The following FAM177A1 variants were observed in gnomAD, a reference collection of about 807,000 sequenced individuals.
The protein encoded by FAM177A1 is family with sequence similarity 177 member A1.
FAM177A1 carries 22 observed loss-of-function variants against 26.1 expected under a neutral mutation model. The observed-to-expected ratio is 0.84, with a 90% CI of 0.60 to 1.20. The LOEUF is 1.20. FAM177A1 is among the 50% of genes most tolerant of loss of function. The probability of loss-of-function intolerance (pLI) is 0.00; values close to 1 mark genes in which losing one functional copy is unlikely to be tolerated. For synonymous variants in FAM177A1, 95 were observed against 99.3 expected (o/e 0.96, Z 0.26); for missense variants, 296 against 291.1 (o/e 1.02, Z -0.12).
Position 35,046,442 on chromosome 14 carries a change from C to A in FAM177A1, c.-22C>A. ...CTTCCCGACAGCCTGGCTCGGCCAG[C>A]GACTGGGCGGGGAGACCAAGGATGG... On this transcript the variant is annotated 5_prime_UTR_variant, in exon 1 of 5. Coordinates refer to ENST00000280987, the MANE Select transcript of FAM177A1 (RefSeq NM_173607.5). 6.5e-7 allele frequency: 1 copy of A among 1,526,720 alleles called. No individual in the cohort carries two copies. Among genetic ancestry groups the A allele is most frequent in the Non-Finnish European group, 8.8e-7 (1 of 1,132,292 alleles). The allele number at this position is 1,526,720 out of a possible 1,614,324, so 94.6% of individuals were successfully genotyped here. A position where few individuals can be genotyped will look rare whatever the true frequency, so the allele number is the denominator to read the frequency against.
chr14:35,045,071 T>C (rs2044841157), upstream of FAM177A1: 1 of 152,212 alleles, frequency 6.6e-6, no homozygotes, highest in East Asian at 1.9e-4. Flanking sequence ...TGTTTATGAA[T>C]GCCAATTCAT....
At chr14:35,048,698 T>C (rs919778481) in intron 1 of FAM177A1, among the ~76,000 whole-genome samples, 3 of 152,016 alleles carry the variant, frequency 2.0e-5, no homozygotes, top group African/African-American at 7.2e-5. Flanking sequence ...TCCAGTTCTA[T>C]GCCCAGGGGG....
intron 1 of FAM177A1, 199 bp from the exon 2 acceptor site, chr14:35,053,076 ATGG>A: frequency 2.0e-6 from 1 of 493,596 alleles, no homozygotes; most frequent in Non-Finnish European, 3.5e-6. Flanking sequence ...TGGTTTACAA[ATGG>A]TGGGTTTTAT....
At position 35,057,026 on chromosome 14, in the gene FAM177A1, C is replaced by G. The variant is rs116970608; in HGVS notation, c.339+3575C>G. Reference sequence around the variant, plus strand: ...AACCACCTTTTGGTTTCATGATTTTCTTTGTTGTTTTTCTGTTCTCTATTA... The same window carrying G: ...AACCACCTTTTGGTTTCATGATTTTGTTTGTTGTTTTTCTGTTCTCTATTA... On this transcript the variant is annotated intron_variant, in intron 2 of 4. Coordinates refer to ENST00000280987, the MANE Select transcript of FAM177A1 (RefSeq NM_173607.5). 5.7e-3 allele frequency among the ~76,000 whole-genome samples: 860 copies of G among 152,128 alleles called. 24 individuals carry two copies. The highest frequency in any genetic ancestry group is 0.036 in the Admixed American group (550 of 15,266).
intron 1 of FAM177A1, among the ~76,000 whole-genome samples, chr14:35,051,276 C>G (rs994171910): frequency 6.6e-6 from 1 of 152,052 alleles, no homozygotes; most frequent in Non-Finnish European, 1.5e-5. Context: ...CGTGCCACCA[C>G]GCCCAGCTAA....
intron 3 of FAM177A1, among the ~76,000 whole-genome samples, chr14:35,077,729 G>C (rs183750885): frequency 0.015 from 2,291 of 151,950 alleles, 23 homozygotes; most frequent in Non-Finnish European, 0.023. Context: ...TGATCCACCC[G>C]CCTCGGCCTC....
chr14:35,058,774 G>A (rs1312337526), intron 2 of FAM177A1, among the ~76,000 whole-genome samples: 1 of 152,122 alleles, frequency 6.6e-6, no homozygotes, highest in Non-Finnish European at 1.5e-5. Flanking sequence ...TACTTGGAGA[G>A]GTGAGTTGGG....
At chr14:35,051,544 C>T (rs1319413829) in intron 1 of FAM177A1, among the ~76,000 whole-genome samples, 1 of 152,188 alleles carries the variant, frequency 6.6e-6, no homozygotes, top group Non-Finnish European at 1.5e-5. Flanking sequence ...TCCCAAGTAG[C>T]TGAAATTACA....
intron 2 of FAM177A1, among the ~76,000 whole-genome samples, chr14:35,056,766 A>G (rs1403440068): frequency 6.6e-6 from 1 of 152,140 alleles, no homozygotes; most frequent in South Asian, 2.1e-4. Context: ...CTATAGGTCT[A>G]TTAAGATTGT....
chr14:35,071,319 T>C (rs895841647), intron 2 of FAM177A1, among the ~76,000 whole-genome samples: 1 of 152,158 alleles, frequency 6.6e-6, no homozygotes. Context: ...CTAAGTGTTC[T>C]ACAACAAATA....
At chr14:35,071,498 A>G (rs147338970) in intron 2 of FAM177A1, among the ~76,000 whole-genome samples, 218 of 152,222 alleles carry the variant, frequency 1.4e-3, no homozygotes, top group African/African-American at 5.1e-3. Context: ...CAGTTTTGCT[A>G]TTACTGGGAT....
intron 2 of FAM177A1, among the ~76,000 whole-genome samples, chr14:35,064,949 G>A (rs144318859): frequency 2.6e-5 from 4 of 152,230 alleles, no homozygotes; most frequent in East Asian, 1.9e-4. Flanking sequence ...GATTACAGGC[G>A]TGAGCCACCG....
Position 35,046,407 on chromosome 14 carries a change from G to A in FAM177A1, c.-57G>A, listed in dbSNP as rs1287491662. 3.5e-6 allele frequency: 5 copies of A among 1,447,052 alleles called. No homozygotes were observed. Among genetic ancestry groups the A allele is most frequent in the Non-Finnish European group, 4.6e-6 (5 of 1,092,314 alleles). 89.6% of individuals were successfully genotyped at this position (1,447,052 alleles called of 1,614,324 possible). The stretch of plus-strand genomic sequence containing the variant: ...GCGGCGCGAGGCGGGCGCTGGGCGG[G>A]TGAGTCCCACTTCCCGACAGCCTGG... On this transcript the variant is annotated 5_prime_UTR_variant, in exon 1 of 5. In the 5' UTR this introduces an upstream ATG that the reference lacks. Transcript: ENST00000280987.
intron 2 of FAM177A1, among the ~76,000 whole-genome samples, chr14:35,057,518 T>G (rs1388426107): frequency 2.0e-5 from 3 of 152,042 alleles, no homozygotes; most frequent in African/African-American, 4.8e-5. Flanking sequence ...TAGTTGGGAT[T>G]ACAGGTGCAC....
chr14:35,079,356 A>G (rs1367332434), intron 4 of FAM177A1, among the ~76,000 whole-genome samples: 2 of 152,202 alleles, frequency 1.3e-5, no homozygotes, highest in African/African-American at 4.8e-5. Context: ...TACTTAGAGC[A>G]CATGGACTGG....
At chr14:35,054,025 T>C (rs1004374473) in intron 2 of FAM177A1, among the ~76,000 whole-genome samples, 1 of 152,074 alleles carries the variant, frequency 6.6e-6, no homozygotes. Context: ...AATTGAGTGC[T>C]TGAATCCCAG....
At position 35,070,943 on chromosome 14, in the gene FAM177A1, G is replaced by A. The variant is rs189050142; in HGVS notation, c.340-6207G>A. Among the ~76,000 whole-genome samples the A allele has an allele frequency of 1.7e-3, 264 of 151,904 alleles. 3 individuals are homozygous for A. The highest frequency in any genetic ancestry group is 6.2e-3 in the African/African-American group (257 of 41,442). ...ATTTGGATAATTATTTCTAGGTGGT[G>A]GAAAATGGGTGAATTACATTTTTCT... On this transcript the variant is annotated intron_variant, in intron 2 of 4. Coordinates refer to ENST00000280987, the MANE Select transcript of FAM177A1 (RefSeq NM_173607.5).
At chr14:35,055,765 A>C (rs998295692) in intron 2 of FAM177A1, among the ~76,000 whole-genome samples, 4 of 152,078 alleles carry the variant, frequency 2.6e-5, no homozygotes, top group Non-Finnish European at 5.9e-5. Context: ...TGTTTTCCAA[A>C]GTGGCTGCAC....
In FAM177A1 at chr14:35,078,211, C is replaced by T. The variant is rs1173670640; in HGVS notation, c.407-716C>T. 2.0e-5 allele frequency among the ~76,000 whole-genome samples: 3 copies of T among 152,156 alleles called. No homozygotes were observed. The East Asian group carries it at 5.8e-4, about 29-fold the overall frequency. ...TCAGACCTAGCTTTGAACTTTGGAT[C>T]TGCCTTATCAGTTTGGGTTAAGTTC... is the stretch of plus-strand genomic sequence containing the variant. On this transcript the variant is annotated intron_variant, in intron 3 of 4. Coordinates refer to ENST00000280987, the MANE Select transcript of FAM177A1 (RefSeq NM_173607.5).
Sources: gnomAD v4.1 joint callset for allele counts (sites outside exome capture counted in the v4.1 genomes callset) on GRCh38, gnomAD v4.1.1 for gene constraint, MANE v1.5 for transcripts, NCBI Gene and HGNC (gene_info 2026-07-23, HGNC 2026-07-21) for gene names.